FUT8: variants seen among roughly 807,000 people sequenced by gnomAD.
FUT8 encodes fucosyltransferase 8, also known as alpha-(1,6)-fucosyltransferase.
A neutral mutation model predicts 71.3 loss-of-function variants in FUT8; 29 were observed. The ratio of observed to expected loss-of-function variants is 0.41; its 90% CI spans 0.30 to 0.55. FUT8 has a LOEUF of 0.55. FUT8 is among the 20% of genes least tolerant of loss of function. The pLI is 0.34. For synonymous variants in FUT8, 254 were observed against 239.3 expected, an observed-to-expected ratio of 1.06 and a Z score of -0.57; for missense variants, 544 against 702.1, an observed-to-expected ratio of 0.77 and a Z score of 2.55.
chr14:65,500,346 A>G (rs528455414), intron 2 of FUT8, among the ~76,000 whole-genome samples: 2 of 152,202 alleles, frequency 1.3e-5, no homozygotes, highest in South Asian at 2.1e-4. Flanking sequence ...CATCGTCGTC[A>G]TCATTGTCGT....
chr14:65,442,105 C>T (rs2065667763), intron 1 of FUT8, among the ~76,000 whole-genome samples: 1 of 151,820 alleles, frequency 6.6e-6, no homozygotes, highest in African/African-American at 2.4e-5. Flanking sequence ...TCAGAGGGCT[C>T]CCTAGATAAT....
intron 9 of FUT8, among the ~76,000 whole-genome samples, chr14:65,725,718 A>T (rs1437844229): frequency 6.6e-6 from 1 of 152,190 alleles, no homozygotes; most frequent in African/African-American, 2.4e-5. Context: ...GTAAATATTA[A>T]ATGGTATTGA....
intron 1 of FUT8, among the ~76,000 whole-genome samples, chr14:65,442,973 A>G (rs1485819927): frequency 6.6e-6 from 1 of 152,220 alleles, no homozygotes; most frequent in Non-Finnish European, 1.5e-5. Flanking sequence ...TTTAGTTAAT[A>G]TATCAATATT....
intron 2 of FUT8, among the ~76,000 whole-genome samples, chr14:65,491,496 T>C (rs748544924): frequency 6.6e-6 from 1 of 152,114 alleles, no homozygotes; most frequent in Admixed American, 6.6e-5. Flanking sequence ...ATGGGGACAA[T>C]AGGTTATTTT....
the FUT8 span, among the ~76,000 whole-genome samples, chr14:65,392,433 A>G: frequency 6.6e-6 from 1 of 152,238 alleles, no homozygotes; most frequent in African/African-American, 2.4e-5. Flanking sequence ...TATGCAAGTC[A>G]GAAAATTGCT....
intron 3 of FUT8, among the ~76,000 whole-genome samples, chr14:65,593,989 C>A (rs2411355): frequency 0.36 from 54,045 of 152,220 alleles, 11,940 homozygotes; most frequent in Non-Finnish European, 0.5. Context: ...GGATTACAGG[C>A]ATGAGCCACT....
At chr14:65,480,998 C>G (rs190162276) in intron 2 of FUT8, among the ~76,000 whole-genome samples, 1 of 152,032 alleles carries the variant, frequency 6.6e-6, no homozygotes, top group Admixed American at 6.6e-5. Context: ...CTCTTTAATT[C>G]TTTTTTCAAT....
At chr14:65,707,092 T>C (rs1206946547) in intron 7 of FUT8, among the ~76,000 whole-genome samples, 2 of 152,200 alleles carry the variant, frequency 1.3e-5, no homozygotes, top group Non-Finnish European at 1.5e-5. Flanking sequence ...AAAATATAGA[T>C]TCCAAAATGG....
chr14:65,527,770 C>T (rs1883600082), intron 2 of FUT8, among the ~76,000 whole-genome samples: 1 of 152,198 alleles, frequency 6.6e-6, no homozygotes, highest in Non-Finnish European at 1.5e-5. Flanking sequence ...AACTAACAGT[C>T]AGGACCCTCA....
intron 6 of FUT8, among the ~76,000 whole-genome samples, chr14:65,650,689 T>A (rs1406165872): frequency 7.2e-6 from 1 of 138,066 alleles, no homozygotes; most frequent in Non-Finnish European, 1.5e-5. Context: ...ACCAGATCAC[T>A]GTAATTCCTG....
At chr14:65,590,863 A>G (rs1887648698) in intron 3 of FUT8, among the ~76,000 whole-genome samples, 1 of 152,094 alleles carries the variant, frequency 6.6e-6, no homozygotes, top group Non-Finnish European at 1.5e-5. Flanking sequence ...AAAATTCTCC[A>G]TGGGGAAAAT....
chr14:65,360,077 C>T, the FUT8 span, among the ~76,000 whole-genome samples: 6 of 152,154 alleles, frequency 3.9e-5, no homozygotes, highest in East Asian at 1.9e-4. Flanking sequence ...ATGATCCGTC[C>T]GCCTCAGCCT....
At chr14:65,596,307 T>C (rs111912987) in intron 3 of FUT8, among the ~76,000 whole-genome samples, 1,535 of 152,348 alleles carry the variant, frequency 0.01, 26 homozygotes, top group African/African-American at 0.035. Flanking sequence ...AACTACATCT[T>C]TTTATTTGGA....
intron 7 of FUT8, among the ~76,000 whole-genome samples, chr14:65,699,731 T>C (rs1395234519): frequency 6.6e-6 from 1 of 152,218 alleles, no homozygotes; most frequent in South Asian, 2.1e-4. Flanking sequence ...GTAATCTTTC[T>C]TTTCATTTGA....
Position 65,670,644 on chromosome 14 carries a change from G to A in FUT8, c.835+1164G>A, listed in dbSNP as rs184813097. 2.5e-3 allele frequency among the ~76,000 whole-genome samples: 374 copies of A among 151,886 alleles called. 2 individuals are homozygous for A. Among genetic ancestry groups the A allele is most frequent in the African/African-American group, 8.6e-3 (357 of 41,430 alleles). On this transcript the variant is annotated intron_variant, in intron 7 of 10. Coordinates refer to ENST00000673929, the MANE Select transcript of FUT8 (RefSeq NM_001371533.1). Reference sequence around the variant, plus strand: ...TGTGGGGCTAAGCACCTTTTTTCACGAGCTACAACACTAGATACGAAATAG... The same window carrying A: ...TGTGGGGCTAAGCACCTTTTTTCACAAGCTACAACACTAGATACGAAATAG...
intron 2 of FUT8, among the ~76,000 whole-genome samples, chr14:65,551,372 A>C (rs1025298480): frequency 5.9e-5 from 9 of 152,196 alleles, no homozygotes; most frequent in Non-Finnish European, 1.5e-5. Flanking sequence ...AGCTATATCT[A>C]TCTTTAGGAA....
At position 65,728,048 on chromosome 14, in the gene FUT8, A is replaced by G. The variant is rs1895775997; in HGVS notation, c.1259+3725A>G. ...TCCATCTGAGACCACCTCAGCCCATACTTTATTGTCCATATCACTGTCAGC... is the reference window on the plus strand; with the variant it reads ...TCCATCTGAGACCACCTCAGCCCATGCTTTATTGTCCATATCACTGTCAGC... On this transcript the variant is annotated intron_variant, in intron 9 of 10. Coordinates refer to ENST00000673929, the MANE Select transcript of FUT8 (RefSeq NM_001371533.1). Among the ~76,000 whole-genome samples the G allele has an allele frequency of 1.3e-5, 2 of 152,102 alleles. 1 individual carries two copies. Among genetic ancestry groups the G allele is most frequent in the South Asian group, 4.1e-4 (2 of 4,828 alleles).
chr14:65,445,303 T>C (rs1471096488), intron 1 of FUT8, among the ~76,000 whole-genome samples: 1 of 152,234 alleles, frequency 6.6e-6, no homozygotes, highest in Non-Finnish European at 1.5e-5. Flanking sequence ...CCTTTCACCA[T>C]GAGTGTTTAC....
At position 65,455,717 on chromosome 14, in the gene FUT8, A is replaced by G; in HGVS notation, c.-229A>G. On this transcript the variant is annotated splice_region_variant and 5_prime_UTR_variant, in exon 2 of 11. Transcript: ENST00000673929. ...CTTTGTTGATTAACTGGACAAATTC[A>G]GGTTAGTGTATTTTGTGGACAGCAC... The G allele has an allele frequency of 2.5e-6, 1 of 398,236 alleles. No individual in the cohort carries two copies. Among genetic ancestry groups the G allele is most frequent in the Non-Finnish European group, 4.4e-6 (1 of 225,852 alleles). 24.7% of individuals were successfully genotyped at this position (398,236 alleles called of 1,614,324 possible).
Sources: gnomAD v4.1 joint callset for allele counts (sites outside exome capture counted in the v4.1 genomes callset) on GRCh38, gnomAD v4.1.1 for gene constraint, MANE v1.5 for transcripts, NCBI Gene and HGNC (gene_info 2026-07-23, HGNC 2026-07-21) for gene names.